The following XRCC3 variants were observed in gnomAD, a reference collection of about 807,000 sequenced individuals.
XRCC3 encodes the protein X-ray repair cross complementing 3.
In XRCC3, 34 loss-of-function variants were observed where a neutral mutation model predicts 29.2. The observed-to-expected ratio is 1.16, with a 90% CI of 0.88 to 1.55. The LOEUF is 1.55. Ranked by LOEUF, XRCC3 falls within the 40% of genes most tolerant of loss-of-function variation. The pLI is 0.00. For missense variants in XRCC3, 463 were observed against 467.6 expected (o/e 0.99, Z 0.09); for synonymous variants, 223 against 211.3 (o/e 1.06, Z -0.48).
rs2082805666 is a variant in XRCC3 at position 103,698,816 on chromosome 14, A to G, written c.1023T>C (p.Pro341=). 1 of 1,601,746 alleles carries G rather than the reference A, an allele frequency of 6.2e-7. No individual in the cohort carries two copies. The highest frequency in any genetic ancestry group is 8.5e-7 in the Non-Finnish European group (1 of 1,174,926). Reference sequence around the variant, plus strand: ...CACCGTGTCAGTGGGACTGGGTCCCAGGTGTCCCTCGCACCCCTTCGGCAC... The same window carrying G: ...CACCGTGTCAGTGGGACTGGGTCCCGGGTGTCCCTCGCACCCCTTCGGCAC... ...TISAEGVRGT[P]GTQSH The change falls in exon 10 of 10, where the codon CCT becomes CCC. Residue 341 remains proline, a synonymous_variant. Transcript: ENST00000555055.
chr14:103,706,480 C>G lies in XRCC3; in HGVS notation c.406+523G>C, dbSNP rs1234697287. 1.4e-5 allele frequency: 6 copies of G among 443,014 alleles called. No homozygotes were observed. In the East Asian group the frequency reaches 4.2e-4, roughly 31 times the overall value. The allele number at this position is 443,014 out of a possible 1,614,324, so 27.4% of individuals were successfully genotyped here. ...AGAAACATCTCTCCTCCTCACAGCT[C>G]ACAGTTTAAAACTACGTGAACTTTT... is the stretch of plus-strand genomic sequence containing the variant. On this transcript the variant is annotated intron_variant, in intron 6 of 9. Transcript: ENST00000555055.
intron 7 of XRCC3, chr14:103,701,251 A>G: frequency 6.5e-7 from 1 of 1,544,204 alleles, no homozygotes; most frequent in Non-Finnish European, 8.8e-7. Flanking sequence ...TGTGGCCCGG[A>G]GCTGGCCCGG....
At chr14:103,705,493 C>T (rs1355294413) in intron 6 of XRCC3, 1 of 152,302 alleles carries the variant, frequency 6.6e-6, no homozygotes, top group African/African-American at 2.4e-5. Context: ...GTCGGAATCA[C>T]TTCAGAGCCC....
In XRCC3 at chr14:103,699,728, C is replaced by T. The variant is rs944316386; in HGVS notation, c.562-152G>A. 2.2e-4 allele frequency: 163 copies of T among 748,384 alleles called. No homozygotes were observed. The African/African-American group carries it at 2.5e-3, about 12-fold the overall frequency. The allele number at this position is 748,384 out of a possible 1,614,324, so 46.4% of individuals were successfully genotyped here. Reference sequence around the variant, plus strand: ...ACTCTGTAGTCCCCATACTCTGAGCCCAATTCTGTATTTTTCTCAAAGAGG... The same window carrying T: ...ACTCTGTAGTCCCCATACTCTGAGCTCAATTCTGTATTTTTCTCAAAGAGG... On this transcript the variant is annotated intron_variant, in intron 7 of 9. Coordinates refer to ENST00000555055, the MANE Select transcript of XRCC3 (RefSeq NM_005432.4).
intron 4 of XRCC3, chr14:103,710,654 T>A: frequency 5.1e-6 from 1 of 195,280 alleles, no homozygotes; most frequent in South Asian, 8.3e-5. Flanking sequence ...GGCAGGAGAA[T>A]GGTGTGAACC....
Position 103,699,261 on chromosome 14 carries a change from G to A in XRCC3, c.775-82C>T, listed in dbSNP as rs560276298. ...GCACAGGCTGCTACCCGCAGGAGCC[G>A]GAGGCCACCTCACTGCCACCCGCCC... On this transcript the variant is annotated intron_variant, in intron 8 of 9. Coordinates refer to ENST00000555055, the MANE Select transcript of XRCC3 (RefSeq NM_005432.4). 133 of 1,539,440 alleles carry A rather than the reference G, an allele frequency of 8.6e-5. 1 individual carries two copies. In the East Asian group the frequency reaches 1.0e-3, roughly 12 times the overall value.
intron 6 of XRCC3, 57 bp downstream of exon 6, chr14:103,706,946 C>G: frequency 6.6e-7 from 1 of 1,523,444 alleles, no homozygotes; most frequent in South Asian, 1.2e-5. Flanking sequence ...AAAGCTGTCC[C>G]ACACAAAGCA....
At chr14:103,699,969 T>C in intron 7 of XRCC3, 1 of 322,134 alleles carries the variant, frequency 3.1e-6, no homozygotes, top group South Asian at 2.7e-5. Context: ...AGCCCCCTCC[T>C]TCAGTGGCCC....
chr14:103,700,812 G>A, intron 7 of XRCC3: 1 of 1,138,116 alleles, frequency 8.8e-7, no homozygotes, highest in Non-Finnish European at 1.2e-6. Flanking sequence ...GGGGAGCTGG[G>A]GATGGGCAAG....
intron 5 of XRCC3, 184 bp downstream of exon 5, chr14:103,708,338 G>C: frequency 3.4e-6 from 3 of 880,828 alleles, no homozygotes; most frequent in Non-Finnish European, 5.3e-6. Context: ...CTTCTGACCC[G>C]ATGCTGTGAC....
chr14:103,710,879 CA>C, intron 4 of XRCC3, 153 bp downstream of exon 4: 4 of 705,062 alleles, frequency 5.7e-6, no homozygotes, highest in Non-Finnish European at 7.6e-6. Context: ...CACACACACA[CA>C]CACCTGAAAA....
In XRCC3 at chr14:103,707,038, A is replaced by C; in HGVS notation, c.371T>G (p.Val124Gly). 9.6e-6 allele frequency: 15 copies of C among 1,567,400 alleles called. No individual in the cohort carries two copies. Among genetic ancestry groups the C allele is most frequent in the Non-Finnish European group, 1.3e-5 (15 of 1,159,504 alleles). Residue 124 changes from valine to glycine, a missense_variant, in exon 6 of 10, where the codon GTG (valine) becomes GGG (glycine). By Grantham distance (109) the Val-to-Gly change is moderately radical. Coordinates refer to ENST00000555055, the MANE Select transcript of XRCC3 (RefSeq NM_005432.4). ...TQLALQLCLAVQFPRQHGGLE... is the reference protein window; with the variant it reads ...TQLALQLCLAGQFPRQHGGLE... ...GCCTCCGTGCTGCCGCGGGAACTGC[A>C]CAGCCAGGCAGAGCTGCAGCGCCAG... is the stretch of plus-strand genomic sequence containing the variant.
rs774847045 is a variant in XRCC3, at chr14:103,706,981, C to G, written c.406+22G>C. On this transcript the variant is annotated intron_variant, in intron 6 of 9. Coordinates refer to ENST00000555055, the MANE Select transcript of XRCC3 (RefSeq NM_005432.4). The stretch of plus-strand genomic sequence containing the variant: ...AGGGGCCGCCCACCTGCCCAGACCC[C>G]ACGGAAGGGGTGGCCACTCACCAGC... The G allele has an allele frequency of 8.8e-5, 135 of 1,541,088 alleles. 3 individuals are homozygous for G. The South Asian group carries it at 1.4e-3, about 16-fold the overall frequency.
chr14:103,714,427 A>G (rs930665740), intron 1 of XRCC3, among the ~76,000 whole-genome samples: 9 of 151,220 alleles, frequency 6.0e-5, no homozygotes, highest in Admixed American at 5.9e-4. Flanking sequence ...CAGGAGTTCA[A>G]GACCAGCCTG....
chr14:103,698,632 G>T lies in XRCC3; in HGVS notation c.*166C>A. The T allele has an allele frequency of 1.5e-6, 1 of 688,590 alleles. No homozygotes were observed. 42.7% of individuals were successfully genotyped at this position (688,590 alleles called of 1,614,324 possible). On this transcript the variant is annotated 3_prime_UTR_variant, in exon 10 of 10. Transcript: ENST00000555055. ...ATCCCCCCAGCTCAGATGGGGGTCA[G>T]TCTGTGGCCACCATCTTCGGATGAG...
intron 6 of XRCC3, chr14:103,706,631 G>A (rs1224503846): frequency 5.2e-6 from 2 of 386,760 alleles, no homozygotes; most frequent in East Asian, 1.3e-4. Flanking sequence ...CTGGCGGCGG[G>A]GCACCCGGGG....
intron 6 of XRCC3, chr14:103,706,336 A>G (rs1055589440): frequency 8.8e-6 from 4 of 455,882 alleles, no homozygotes; most frequent in South Asian, 1.5e-5. Context: ...AGCCTAGCAG[A>G]TGTGCTCGGA....
At chr14:103,704,312 G>A (rs1414211256) in intron 6 of XRCC3, 1 of 152,272 alleles carries the variant, frequency 6.6e-6, no homozygotes, top group East Asian at 1.9e-4. Flanking sequence ...CATGGGTAGG[G>A]TTTCCTTTTG....
intron 4 of XRCC3, chr14:103,709,958 C>T (rs951510607): frequency 6.6e-6 from 1 of 152,294 alleles, no homozygotes; most frequent in African/African-American, 2.4e-5. Flanking sequence ...TGCCCTGTCA[C>T]CAGGCTGCTG....
Sources: allele counts gnomAD v4.1 joint callset (sites outside exome capture counted in the v4.1 genomes callset), GRCh38; gene constraint gnomAD v4.1.1; transcripts MANE v1.5; gene names NCBI Gene and HGNC (gene_info 2026-07-23, HGNC 2026-07-21).